PPFIA2: variants seen among roughly 807,000 people sequenced by gnomAD.
The protein encoded by PPFIA2 is PPFI scaffold protein A2.
A neutral mutation model predicts 175.5 loss-of-function variants in PPFIA2; 46 were observed. The ratio of observed to expected loss-of-function variants is 0.26; its 90% confidence interval spans 0.21 to 0.34. The LOEUF (loss-of-function observed/expected upper bound fraction) is 0.34. Among genes scored for constraint, PPFIA2 ranks in the 10% least tolerant of loss-of-function variants. PPFIA2 has a pLI of 1.00. For synonymous variants in PPFIA2, 568 were observed against 511.4 expected (o/e 1.11, Z -1.49); for missense variants, 1,179 against 1,506.1 (o/e 0.78, Z 3.60).
At chr12:81,706,618 G>T (rs1019920336) in intron 3 of PPFIA2, among the ~76,000 whole-genome samples, 1 of 152,110 alleles carries the variant, frequency 6.6e-6, no homozygotes, top group African/African-American at 2.4e-5. Flanking sequence ...ATACCCGGCC[G>T]TGTGAGGTGT....
At chr12:81,727,677 G>A (rs1222147509) in intron 3 of PPFIA2, among the ~76,000 whole-genome samples, 1 of 151,286 alleles carries the variant, frequency 6.6e-6, no homozygotes, top group Non-Finnish European at 1.5e-5. Context: ...AAAAAAACAA[G>A]TTCTCCTTTT....
At chr12:81,534,074 C>G (rs1386289609) in intron 4 of PPFIA2, among the ~76,000 whole-genome samples, 4 of 151,612 alleles carry the variant, frequency 2.6e-5, no homozygotes, top group Non-Finnish European at 5.9e-5. Flanking sequence ...CACAGAAAGA[C>G]AAATATTGCA....
intron 8 of PPFIA2, among the ~76,000 whole-genome samples, chr12:81,389,363 A>G (rs1286898382): frequency 1.3e-5 from 2 of 151,868 alleles, no homozygotes; most frequent in Non-Finnish European, 2.9e-5. Flanking sequence ...GGTAAGAGAA[A>G]TTTAACTAAC....
At chr12:81,441,959 GTC>G (rs1324253895) in intron 6 of PPFIA2, among the ~76,000 whole-genome samples, 1 of 152,080 alleles carries the variant, frequency 6.6e-6, no homozygotes, top group Non-Finnish European at 1.5e-5. Flanking sequence ...CTTTCTAAAA[GTC>G]ATTCGCATAA....
chr12:81,329,796 T>C (rs992090267), intron 21 of PPFIA2, among the ~76,000 whole-genome samples: 4 of 152,212 alleles, frequency 2.6e-5, no homozygotes, highest in Non-Finnish European at 4.4e-5. Context: ...CAGATGGCAC[T>C]ACTTCCCTTC....
chr12:81,683,903 C>T (rs1018738179), intron 3 of PPFIA2, among the ~76,000 whole-genome samples: 2 of 152,074 alleles, frequency 1.3e-5, no homozygotes, highest in African/African-American at 4.8e-5. Flanking sequence ...CAAGGGGAGC[C>T]AGCTGTGTGA....
intron 4 of PPFIA2, among the ~76,000 whole-genome samples, chr12:81,476,452 G>T (rs1256559469): frequency 6.6e-6 from 1 of 152,076 alleles, no homozygotes; most frequent in Non-Finnish European, 1.5e-5. Context: ...TTTTCTCTCT[G>T]CCAGTTACCT....
intron 4 of PPFIA2, among the ~76,000 whole-genome samples, chr12:81,590,575 C>T (rs2058558742): frequency 6.6e-6 from 1 of 151,914 alleles, no homozygotes; most frequent in African/African-American, 2.4e-5. Context: ...TTTTAACTCT[C>T]TCAATTTCCA....
At chr12:81,358,416 T>C (rs184834481) in intron 15 of PPFIA2, among the ~76,000 whole-genome samples, 199 bp from the exon 16 acceptor site, 30 of 152,290 alleles carry the variant, frequency 2.0e-4, no homozygotes, top group Non-Finnish European at 4.4e-5. Context: ...GGTCCATTCC[T>C]GAAAGTCAAG....
At chr12:81,457,363 C>T (rs1385390829) in intron 5 of PPFIA2, among the ~76,000 whole-genome samples, 4 of 151,690 alleles carry the variant, frequency 2.6e-5, no homozygotes, top group Admixed American at 2.6e-4. Context: ...TTTGTAGCAG[C>T]CCTTAATTTA....
At chr12:81,705,326 G>A (rs995713133) in intron 3 of PPFIA2, among the ~76,000 whole-genome samples, 1 of 149,020 alleles carries the variant, frequency 6.7e-6, no homozygotes, top group Non-Finnish European at 1.5e-5. Flanking sequence ...CTTGGTGGTG[G>A]GCGCCTGTAA....
chr12:81,306,330 G>A (rs2049142736), intron 22 of PPFIA2, among the ~76,000 whole-genome samples: 1 of 152,072 alleles, frequency 6.6e-6, no homozygotes, highest in African/African-American at 2.4e-5. Flanking sequence ...CTTTTGGGCT[G>A]CACATCCATA....
intron 4 of PPFIA2, among the ~76,000 whole-genome samples, chr12:81,572,395 A>G (rs1225248530): frequency 6.6e-6 from 1 of 151,960 alleles, no homozygotes; most frequent in Non-Finnish European, 1.5e-5. Context: ...AATATAATAA[A>G]TATGTGTTTC....
chr12:81,750,570 G>T (rs1194467249), intron 3 of PPFIA2, among the ~76,000 whole-genome samples: 1 of 152,118 alleles, frequency 6.6e-6, no homozygotes, highest in East Asian at 1.9e-4. Context: ...GCATTAATAA[G>T]TTAGATAATT....
intron 19 of PPFIA2, among the ~76,000 whole-genome samples, chr12:81,341,643 T>C (rs1312977383): frequency 6.6e-6 from 1 of 152,130 alleles, no homozygotes; most frequent in Non-Finnish European, 1.5e-5. Flanking sequence ...AGACAATTCT[T>C]CTTCTAATGT....
chr12:81,687,569 C>A (rs997103771), intron 3 of PPFIA2: 3 of 151,938 alleles, frequency 2.0e-5, no homozygotes, highest in Non-Finnish European at 1.5e-5. Context: ...CAACAGCTCT[C>A]CAATTTTACT....
chr12:81,295,422 A>G lies in PPFIA2; in HGVS notation c.2725-387T>C, dbSNP rs75671352. 3.3e-5 allele frequency among the ~76,000 whole-genome samples: 5 copies of G among 152,310 alleles called. No homozygotes were observed. In the East Asian group the frequency reaches 9.7e-4, roughly 29 times the overall value. On this transcript the variant is annotated intron_variant, in intron 23 of 32. Coordinates refer to ENST00000549396, the MANE Select transcript of PPFIA2 (RefSeq NM_003625.5). ...TTTGCTTAATGAGTGGCTTCAATTTATAATGCTTCTTTGGAATTCTGAGTG... is the reference window on the plus strand; with the variant it reads ...TTTGCTTAATGAGTGGCTTCAATTTGTAATGCTTCTTTGGAATTCTGAGTG...
chr12:81,369,443 A>G (rs2034489934), intron 11 of PPFIA2: 21 of 1,318,616 alleles, frequency 1.6e-5, no homozygotes, highest in South Asian at 4.5e-5. Context: ...CAAATGTAAC[A>G]TGCAGACTGT....
intron 3 of PPFIA2, among the ~76,000 whole-genome samples, chr12:81,745,321 G>A (rs1347112319): frequency 6.6e-6 from 1 of 152,068 alleles, no homozygotes. Flanking sequence ...TAGGAGTCTG[G>A]TGGTCTCTCT....
Sources: gnomAD v4.1 joint callset for allele counts (sites outside exome capture counted in the v4.1 genomes callset) on GRCh38, gnomAD v4.1.1 for gene constraint, MANE v1.5 for transcripts, NCBI Gene and HGNC (gene_info 2026-07-23, HGNC 2026-07-21) for gene names.